The following PTPRG variants were observed in gnomAD, a reference collection of about 807,000 sequenced individuals.
The protein encoded by PTPRG is receptor-type tyrosine-protein phosphatase gamma.
In PTPRG, 102 loss-of-function variants were observed where a neutral mutation model predicts 165.3. The observed-to-expected ratio is 0.62, with a 90% CI of 0.53 to 0.73. The LOEUF (loss-of-function observed/expected upper bound fraction) is 0.73. Among genes scored for constraint, PTPRG ranks in the 30% least tolerant of loss-of-function variants. The pLI is 0.00. For synonymous variants in PTPRG, 675 were observed against 669.5 expected (o/e 1.01, Z -0.13); for missense variants, 1,866 against 1,861.4 (o/e 1.00, Z -0.05).
At chr3:61,873,993 A>G (rs1219817959) in intron 2 of PTPRG, among the ~76,000 whole-genome samples, 1 of 152,160 alleles carries the variant, frequency 6.6e-6, no homozygotes, top group Non-Finnish European at 1.5e-5. Context: ...TTGACACAGA[A>G]TAAATGTTAG....
chr3:61,853,118 AACAG>A (rs1176896904), intron 2 of PTPRG, among the ~76,000 whole-genome samples: 3 of 152,320 alleles, frequency 2.0e-5, no homozygotes, highest in East Asian at 3.9e-4. Context: ...TACTGTGGGA[AACAG>A]ACAAAGAGTA....
chr3:62,029,295 C>T (rs1699686387), intron 4 of PTPRG, among the ~76,000 whole-genome samples: 1 of 152,126 alleles, frequency 6.6e-6, no homozygotes, highest in South Asian at 2.1e-4. Context: ...CATTTGGAGA[C>T]ACTGCTTACT....
chr3:62,080,781 G>A (rs1372866237), intron 5 of PTPRG, among the ~76,000 whole-genome samples: 1 of 152,062 alleles, frequency 6.6e-6, no homozygotes, highest in African/African-American at 2.4e-5. Flanking sequence ...AGACACATTG[G>A]TGTGCAAATC....
chr3:62,106,552 G>A (rs11714325), intron 5 of PTPRG, among the ~76,000 whole-genome samples: 88,278 of 147,952 alleles, frequency 0.6, 26,835 homozygotes, highest in Middle Eastern at 0.67. Context: ...CCAGGCTGGG[G>A]TGCAGTGACG....
intron 5 of PTPRG, among the ~76,000 whole-genome samples, chr3:62,122,156 G>A (rs62244971): frequency 0.34 from 51,604 of 152,008 alleles, 9,156 homozygotes; most frequent in East Asian, 0.51. Flanking sequence ...AAAAAACATA[G>A]CTTTACTGAG....
chr3:62,201,356 T>C (rs1326961355), intron 10 of PTPRG, 149 bp from the exon 11 acceptor site: 1 of 650,736 alleles, frequency 1.5e-6, no homozygotes, highest in Non-Finnish European at 2.4e-6. Flanking sequence ...AAGAAGGGCT[T>C]TATATTTTTA....
intron 1 of PTPRG, among the ~76,000 whole-genome samples, chr3:61,718,603 A>G (rs1282768948): frequency 3.0e-4 from 45 of 152,204 alleles, no homozygotes; most frequent in Admixed American, 2.9e-3. Flanking sequence ...GCTTTGAAAC[A>G]AAATCAGGAA....
intron 15 of PTPRG, among the ~76,000 whole-genome samples, chr3:62,247,248 T>TA (rs1701307214): frequency 6.6e-6 from 1 of 152,104 alleles, no homozygotes; most frequent in Non-Finnish European, 1.5e-5. Flanking sequence ...GCAGTGGAGC[T>TA]AACACTGGAA....
At chr3:61,582,154 G>C (rs575371692) in intron 1 of PTPRG, among the ~76,000 whole-genome samples, 1 of 151,878 alleles carries the variant, frequency 6.6e-6, no homozygotes, top group South Asian at 2.1e-4. Context: ...TTTTTGTAGA[G>C]ACAGGGTTTT....
intron 2 of PTPRG, among the ~76,000 whole-genome samples, chr3:61,872,383 G>A (rs1400121923): frequency 6.6e-6 from 1 of 152,162 alleles, no homozygotes; most frequent in Non-Finnish European, 1.5e-5. Flanking sequence ...AAAGGAGAAA[G>A]AACGTTGGTT....
intron 5 of PTPRG, among the ~76,000 whole-genome samples, chr3:62,118,746 C>T (rs2106881636): frequency 6.6e-6 from 1 of 152,250 alleles, no homozygotes; most frequent in Non-Finnish European, 1.5e-5. Flanking sequence ...TCACAGGCAT[C>T]TTTTCATTTT....
At chr3:61,899,110 T>G (rs2038435057) in intron 2 of PTPRG, among the ~76,000 whole-genome samples, 1 of 152,090 alleles carries the variant, frequency 6.6e-6, no homozygotes, top group Admixed American at 6.5e-5. Context: ...AGAGATGGAG[T>G]CCCATTCTGT....
chr3:62,284,880 T>A (rs996785875), intron 28 of PTPRG, among the ~76,000 whole-genome samples: 4 of 152,120 alleles, frequency 2.6e-5, no homozygotes, highest in African/African-American at 9.7e-5. Context: ...CATTTCCAGT[T>A]GTCATCCCAA....
In PTPRG at chr3:62,195,722, T is replaced by C. The variant is rs1056290440; in HGVS notation, c.1327+552T>C. ...GGGTGAAGCAAATGGGACATTTGCCTTTGCTCAAAATTTTAAGGGGCACCA... is the reference window on the plus strand; with the variant it reads ...GGGTGAAGCAAATGGGACATTTGCCCTTGCTCAAAATTTTAAGGGGCACCA... On this transcript the variant is annotated intron_variant, in intron 10 of 29. Transcript: ENST00000474889. This position sits in a 1 kb window ranked among gnomAD's most constrained non-coding sequence, Gnocchi z 4.4. Among the ~76,000 whole-genome samples, 8 of 152,152 alleles carry C rather than the reference T, an allele frequency of 5.3e-5. No homozygotes were observed. The South Asian group carries it at 6.2e-4, about 12-fold the overall frequency.
chr3:61,937,037 G>A (rs1189892275), intron 2 of PTPRG, among the ~76,000 whole-genome samples: 1 of 152,038 alleles, frequency 6.6e-6, no homozygotes, highest in African/African-American at 2.4e-5. Context: ...GACATCCCTC[G>A]GGGATGCTAT....
At chr3:61,738,706 T>C (rs1268165332) in intron 1 of PTPRG, among the ~76,000 whole-genome samples, 1 of 152,042 alleles carries the variant, frequency 6.6e-6, no homozygotes, top group Non-Finnish European at 1.5e-5. Context: ...ATCAAGATAA[T>C]TTATTAATCA....
rs939844229 is a variant in PTPRG, at chr3:61,694,023, A to G, written c.86-54855A>G. Among the ~76,000 whole-genome samples, 139 of 144,104 alleles carry G rather than the reference A, an allele frequency of 9.6e-4. 1 individual carries two copies. The highest frequency in any genetic ancestry group is 3.7e-3 in the African/African-American group (134 of 36,558). 94.5% of individuals were successfully genotyped at this position (144,104 alleles called of 152,430 possible). ...ACTCCATCTCCAAAAAAAAAAAAAA[A>G]AAAGAGAGAGAGAGAGAGAGGGAAG... is the stretch of plus-strand genomic sequence containing the variant. On this transcript the variant is annotated intron_variant, in intron 1 of 29. Coordinates refer to ENST00000474889, the MANE Select transcript of PTPRG (RefSeq NM_002841.4).
At chr3:61,983,800 G>C (rs1366519384) in intron 2 of PTPRG, among the ~76,000 whole-genome samples, 3 of 150,268 alleles carry the variant, frequency 2.0e-5, no homozygotes, top group Non-Finnish European at 4.4e-5. Context: ...GAAAATTCTT[G>C]TTGTTGACCA....
Position 62,138,665 on chromosome 3 carries a change from G to A in PTPRG, c.682+5997G>A, listed in dbSNP as rs1703806153. Among the ~76,000 whole-genome samples, 3 of 142,044 alleles carry A rather than the reference G, an allele frequency of 2.1e-5. No homozygotes were observed. The South Asian group carries it at 6.6e-4, about 31-fold the overall frequency. The allele number at this position is 142,044 out of a possible 152,430, so 93.2% of individuals were successfully genotyped here. ...ATCCGGGAGGCAGAATTTACAGTTA[G>A]CTGAGGCTGCGCCATTGTACTCCAG... is the stretch of plus-strand genomic sequence containing the variant. On this transcript the variant is annotated intron_variant, in intron 6 of 29. Transcript: ENST00000474889.
Sources: allele counts gnomAD v4.1 joint callset (sites outside exome capture counted in the v4.1 genomes callset), GRCh38; gene constraint gnomAD v4.1.1; non-coding constraint Gnocchi (gnomAD v3.1); transcripts MANE v1.5; gene names NCBI Gene and HGNC (gene_info 2026-07-23, HGNC 2026-07-21).